RPS6KA2: variants seen among roughly 807,000 people sequenced by gnomAD.
The protein encoded by RPS6KA2 is ribosomal protein S6 kinase A2, also known as ribosomal protein S6 kinase alpha-2.
In RPS6KA2, 42 loss-of-function variants were observed where a neutral mutation model predicts 91.8. The ratio of observed to expected loss-of-function variants is 0.46; its 90% CI spans 0.36 to 0.59. The LOEUF (loss-of-function observed/expected upper bound fraction) is 0.59. RPS6KA2 is among the 20% of genes least tolerant of loss of function. The pLI is 0.00. For missense variants in RPS6KA2, 798 were observed against 978.5 expected, an observed-to-expected ratio of 0.82 and a Z score of 2.46; for synonymous variants, 414 against 393.6, an observed-to-expected ratio of 1.05 and a Z score of -0.61.
intron 2 of RPS6KA2, among the ~76,000 whole-genome samples, chr6:166,824,691 GTGTC>G (rs1779992088): frequency 3.4e-5 from 5 of 146,472 alleles, no homozygotes; most frequent in South Asian, 2.2e-4. Flanking sequence ...GTCTACATGT[GTGTC>G]TGTGTCTGTG....
intron 2 of RPS6KA2, among the ~76,000 whole-genome samples, chr6:166,828,666 A>G (rs1415977496): frequency 6.6e-6 from 1 of 152,246 alleles, no homozygotes; most frequent in Non-Finnish European, 1.5e-5. Flanking sequence ...TATCATACAC[A>G]AAAATTGACT....
At chr6:166,705,380 C>A (rs1453910460) in intron 2 of RPS6KA2, among the ~76,000 whole-genome samples, 1 of 152,186 alleles carries the variant, frequency 6.6e-6, no homozygotes, top group East Asian at 1.9e-4. Context: ...TCCTCCCTGG[C>A]CACAGCAGTC....
chr6:166,611,254 A>G (rs962782421), intron 1 of RPS6KA2, among the ~76,000 whole-genome samples: 1 of 152,236 alleles, frequency 6.6e-6, no homozygotes, highest in Non-Finnish European at 1.5e-5. Context: ...CATAATTTCA[A>G]CAAGTCCAAA....
chr6:166,525,532 C>G (rs544874233), intron 3 of RPS6KA2, among the ~76,000 whole-genome samples: 7 of 152,108 alleles, frequency 4.6e-5, no homozygotes, highest in Non-Finnish European at 8.8e-5. Flanking sequence ...TCAAATGGAG[C>G]CGTCGGAAGC....
intron 1 of RPS6KA2, among the ~76,000 whole-genome samples, chr6:166,574,828 C>T (rs1194470343): frequency 2.0e-5 from 3 of 152,146 alleles, no homozygotes; most frequent in Non-Finnish European, 4.4e-5. Context: ...AAAAGCGGGA[C>T]TTTCTGAAGC....
chr6:166,674,363 A>G (rs1788560803), intron 2 of RPS6KA2, among the ~76,000 whole-genome samples: 1 of 152,182 alleles, frequency 6.6e-6, no homozygotes, highest in Admixed American at 6.5e-5. Flanking sequence ...CAGGCATGTT[A>G]GAGGCCTGTG....
At chr6:166,804,223 C>T (rs911653152) in intron 2 of RPS6KA2, among the ~76,000 whole-genome samples, 4 of 151,534 alleles carry the variant, frequency 2.6e-5, no homozygotes, top group Admixed American at 2.6e-4. Context: ...AGCTTTCTGT[C>T]ACAGATAAAT....
At chr6:166,756,215 A>G (rs1778005584) in intron 2 of RPS6KA2, among the ~76,000 whole-genome samples, 1 of 151,866 alleles carries the variant, frequency 6.6e-6, no homozygotes, top group Non-Finnish European at 1.5e-5. Flanking sequence ...GCGTGAACCC[A>G]GGAGGCAGAG....
chr6:166,701,479 A>G (rs1789518129), intron 2 of RPS6KA2: 1 of 1,174,908 alleles, frequency 8.5e-7, no homozygotes, highest in Non-Finnish European at 1.3e-6. Flanking sequence ...CACCATCCTC[A>G]CCTTAGCATC....
At chr6:166,774,693 G>A (rs1778567075) in intron 2 of RPS6KA2, among the ~76,000 whole-genome samples, 2 of 152,286 alleles carry the variant, frequency 1.3e-5, no homozygotes, top group South Asian at 4.1e-4. Context: ...GGGGTGGTGG[G>A]AGAAAGAAAT....
chr6:166,819,932 T>G (rs1779862412), intron 2 of RPS6KA2, among the ~76,000 whole-genome samples: 1 of 152,190 alleles, frequency 6.6e-6, no homozygotes, highest in African/African-American at 2.4e-5. Flanking sequence ...CCAATTTTCC[T>G]CCTCAAGAGT....
intron 2 of RPS6KA2, among the ~76,000 whole-genome samples, chr6:166,761,877 G>A (rs998207507): frequency 3.9e-5 from 6 of 152,158 alleles, no homozygotes; most frequent in East Asian, 3.9e-4. Context: ...CGTTGAAGGC[G>A]CAAGTTATCC....
At chr6:166,709,066 C>T (rs1273872939) in intron 2 of RPS6KA2, among the ~76,000 whole-genome samples, 8 of 152,168 alleles carry the variant, frequency 5.3e-5, no homozygotes, top group Non-Finnish European at 1.0e-4. Context: ...CATACACATT[C>T]CCCCAGCCGG....
At chr6:166,781,133 T>C (rs755722862) in intron 2 of RPS6KA2, among the ~76,000 whole-genome samples, 14 of 152,228 alleles carry the variant, frequency 9.2e-5, no homozygotes, top group Non-Finnish European at 1.8e-4. Context: ...TGGACCTTTT[T>C]TCTCTGCTTA....
intron 2 of RPS6KA2, among the ~76,000 whole-genome samples, chr6:166,779,631 C>T (rs971022257): frequency 1.3e-5 from 2 of 152,182 alleles, no homozygotes; most frequent in African/African-American, 4.8e-5. Flanking sequence ...CAGCCGTGAT[C>T]GCCCACATCC....
At chr6:166,671,510 G>A (rs1294278355) in intron 2 of RPS6KA2, among the ~76,000 whole-genome samples, 1 of 152,044 alleles carries the variant, frequency 6.6e-6, no homozygotes, top group Non-Finnish European at 1.5e-5. Flanking sequence ...TCCACCACAC[G>A]ACTCTTCTCA....
In RPS6KA2 at chr6:166,554,512, T is replaced by C. The variant is rs762445836; in HGVS notation, c.100-15728A>G. ...TTCTATTCCTCTTCCCAGCTCCGGA[T>C]GTGCATCCTGTGTGGGGACAGAGAG... On this transcript the variant is annotated intron_variant, in intron 1 of 20. Transcript: ENST00000265678. This position sits in a 1 kb window ranked among gnomAD's most constrained non-coding sequence, Gnocchi z 4.3. Among the ~76,000 whole-genome samples the C allele has an allele frequency of 5.3e-5, 8 of 152,208 alleles. No individual in the cohort carries two copies. The highest frequency in any genetic ancestry group is 7.3e-5 in the Non-Finnish European group (5 of 68,034).
intron 3 of RPS6KA2, among the ~76,000 whole-genome samples, chr6:166,523,418 G>A (rs1782923660): frequency 6.6e-6 from 1 of 152,212 alleles, no homozygotes. Context: ...TGGTGAGGAT[G>A]CAGCTGGCCC....
At position 166,508,138 on chromosome 6, in the gene RPS6KA2, T is replaced by G; in HGVS notation, c.459+65A>C. 9.7e-7 allele frequency: 1 copy of G among 1,035,822 alleles called. No homozygotes were observed. The highest frequency in any genetic ancestry group is 1.5e-6 in the Non-Finnish European group (1 of 669,528). The allele number at this position is 1,035,822 out of a possible 1,614,324, so 64.2% of individuals were successfully genotyped here. ...ACGTCCTCTCAATGCTCTCCACCCC[T>G]CCTCCCCTCGAGTCCCAGACAGAAG... On this transcript the variant is annotated intron_variant, in intron 5 of 20. Transcript: ENST00000265678. This position sits in a 1 kb window ranked among gnomAD's most constrained non-coding sequence, Gnocchi z 4.3.
Sources: allele counts gnomAD v4.1 joint callset (sites outside exome capture counted in the v4.1 genomes callset), GRCh38; gene constraint gnomAD v4.1.1; non-coding constraint Gnocchi (gnomAD v3.1); transcripts MANE v1.5; gene names NCBI Gene and HGNC (gene_info 2026-07-23, HGNC 2026-07-21).